Variants in TEX11 observed in about 807,000 individuals in gnomAD.
TEX11 encodes testis-expressed protein 11.
Under a neutral mutation model 84.4 loss-of-function variants are expected in TEX11, and 7 were observed. The ratio of observed to expected loss-of-function variants is 0.08; its 90% CI spans 0.05 to 0.16. TEX11 has a LOEUF of 0.16. Ranked by LOEUF, TEX11 falls within the 10% of genes least tolerant of loss-of-function variation. The pLI is 1.00. For missense variants in TEX11, 551 were observed against 660.5 expected, an observed-to-expected ratio of 0.83 and a Z score of 1.82; for synonymous variants, 264 against 222.8, an observed-to-expected ratio of 1.18 and a Z score of -1.64.
intron 9 of TEX11, among the ~76,000 whole-genome samples, chrX:70,781,584 A>T (rs1159359274): frequency 9.0e-6 from 1 of 111,690 alleles, no homozygotes; most frequent in African/African-American, 3.3e-5. Context: ...GGTTAGTCGG[A>T]TGGCTAACTA....
At chrX:70,825,882 G>A (rs747424750) in intron 8 of TEX11, among the ~76,000 whole-genome samples, 1 of 111,355 alleles carries the variant, frequency 9.0e-6, no homozygotes, top group African/African-American at 3.3e-5. Context: ...GGAGACTGAG[G>A]TGAGAGAATG....
intron 18 of TEX11, among the ~76,000 whole-genome samples, chrX:70,629,066 G>A (rs1223970481): frequency 8.9e-6 from 1 of 112,253 alleles, no homozygotes; most frequent in Non-Finnish European, 1.9e-5. Flanking sequence ...ATTTGAAGAA[G>A]TTAAGCACAG....
chrX:70,897,294 G>T (rs2147886124), intron 2 of TEX11, among the ~76,000 whole-genome samples: 1 of 102,644 alleles, frequency 9.7e-6, no homozygotes, highest in East Asian at 3.1e-4. Flanking sequence ...CAATATGAAT[G>T]AAACAGACAA....
chrX:70,785,875 T>C (rs745869957), intron 9 of TEX11, among the ~76,000 whole-genome samples: 1 of 111,495 alleles, frequency 9.0e-6, no homozygotes, highest in Admixed American at 9.5e-5. Flanking sequence ...TTGGTGGGAG[T>C]GTAAATTACT....
At chrX:70,574,959 T>C (rs1234361086) in intron 25 of TEX11, among the ~76,000 whole-genome samples, 1 of 110,803 alleles carries the variant, frequency 9.0e-6, no homozygotes, top group Non-Finnish European at 1.9e-5. Flanking sequence ...CGAGACATAG[T>C]AGGGCTAGAG....
intron 25 of TEX11, among the ~76,000 whole-genome samples, chrX:70,580,373 T>C: frequency 8.9e-6 from 1 of 111,780 alleles, no homozygotes; most frequent in South Asian, 3.7e-4. Context: ...TGAATAGACC[T>C]AGTGTTTGCT....
At chrX:70,562,875 A>G (rs949910802) in intron 25 of TEX11, among the ~76,000 whole-genome samples, 6 of 111,842 alleles carry the variant, frequency 5.4e-5, no homozygotes, top group Admixed American at 9.5e-5. Context: ...TTCTTTTCCT[A>G]TGGTTTTACC....
chrX:70,654,088 T>C lies in TEX11; in HGVS notation c.1381-2536A>G, dbSNP rs138764066. ...GGGGGTTGAACTATTCTGTATGGTA[T>C]TATAATGGTAGACACTTTTTTATAC... is the stretch of plus-strand genomic sequence containing the variant. On this transcript the variant is annotated intron_variant, in intron 16 of 29. Transcript: ENST00000374333. 7.1e-4 allele frequency among the ~76,000 whole-genome samples: 79 copies of C among 111,634 alleles called. No homozygotes were observed. The East Asian group carries it at 0.013, about 19-fold the overall frequency.
the TEX11 span, among the ~76,000 whole-genome samples, chrX:70,511,967 G>A: frequency 9.5e-6 from 1 of 105,070 alleles, no homozygotes; most frequent in Admixed American, 1.0e-4. Context: ...CTCCTTCAGT[G>A]GTTTACACAA....
intron 2 of TEX11, among the ~76,000 whole-genome samples, chrX:70,901,165 T>C (rs60663758): frequency 0.072 from 7,942 of 110,843 alleles, 678 homozygotes; most frequent in African/African-American, 0.24. Flanking sequence ...CACTACAGCC[T>C]GGCAATAGAG....
chrX:70,694,850 G>A (rs1165305415), intron 13 of TEX11, among the ~76,000 whole-genome samples: 1 of 111,352 alleles, frequency 9.0e-6, no homozygotes, highest in Non-Finnish European at 1.9e-5. Flanking sequence ...TAGGAGCAAA[G>A]AGGCAAAACC....
intron 2 of TEX11, among the ~76,000 whole-genome samples, chrX:70,888,071 A>G (rs1011634407): frequency 8.8e-6 from 1 of 113,183 alleles, no homozygotes. Context: ...AAGTCTTTTC[A>G]TATATCTGGA....
chrX:70,781,377 C>T (rs963353178), intron 9 of TEX11, among the ~76,000 whole-genome samples: 4 of 112,033 alleles, frequency 3.6e-5, no homozygotes, highest in Non-Finnish European at 7.5e-5. Flanking sequence ...AGCAGAAAAA[C>T]TGAAAATTCT....
intron 11 of TEX11, among the ~76,000 whole-genome samples, chrX:70,729,183 A>G (rs1223580931): frequency 3.7e-5 from 4 of 106,778 alleles, no homozygotes; most frequent in Non-Finnish European, 7.7e-5. Flanking sequence ...ATCAAAGACC[A>G]AAGGTAGATA....
intron 27 of TEX11, among the ~76,000 whole-genome samples, chrX:70,552,555 G>A (rs1309700509): frequency 9.0e-6 from 1 of 110,779 alleles, no homozygotes; most frequent in Admixed American, 9.7e-5. Flanking sequence ...AAAGCATCTC[G>A]GTACTTCCTC....
chrX:70,839,670 C>T (rs2091429756), intron 7 of TEX11, among the ~76,000 whole-genome samples: 1 of 111,763 alleles, frequency 8.9e-6, no homozygotes, highest in African/African-American at 3.3e-5. Flanking sequence ...GAGAAGAAGG[C>T]TTCAGGCAAT....
chrX:70,820,651 G>A (rs1005850980), intron 8 of TEX11, among the ~76,000 whole-genome samples: 4 of 110,816 alleles, frequency 3.6e-5, no homozygotes, highest in Admixed American at 9.7e-5. Flanking sequence ...TGGCAAGAAC[G>A]GGAGCAAGAC....
At chrX:70,764,683 G>A (rs1207031605) in intron 9 of TEX11, among the ~76,000 whole-genome samples, 1 of 111,068 alleles carries the variant, frequency 9.0e-6, no homozygotes, top group East Asian at 2.8e-4. Flanking sequence ...ATAATTAGTG[G>A]CCACTATGAA....
chrX:70,850,110 T>C (rs924742454), intron 7 of TEX11, among the ~76,000 whole-genome samples: 3 of 112,157 alleles, frequency 2.7e-5, no homozygotes, highest in African/African-American at 6.5e-5. Context: ...AAATCTGTCT[T>C]CCTATAATTT....
Sources: gnomAD v4.1 joint callset for allele counts (sites outside exome capture counted in the v4.1 genomes callset) on GRCh38, gnomAD v4.1.1 for gene constraint, MANE v1.5 for transcripts, NCBI Gene and HGNC (gene_info 2026-07-23, HGNC 2026-07-21) for gene names.